TENM2: variants seen among roughly 807,000 people sequenced by gnomAD.
TENM2 encodes teneurin-2.
A neutral mutation model predicts 245.2 loss-of-function variants in TENM2; 52 were observed. That is an observed-to-expected ratio of 0.21 (90% CI 0.17 to 0.27). TENM2 has a LOEUF of 0.27. Ranked by LOEUF, TENM2 falls within the 10% of genes least tolerant of loss-of-function variation. The pLI is 1.00. For synonymous variants in TENM2, 1,363 were observed against 1,438.9 expected (o/e 0.95, Z 1.19); for missense variants, 3,046 against 3,666.8 (o/e 0.83, Z 4.37).
intron 2 of TENM2, among the ~76,000 whole-genome samples, chr5:167,688,314 T>G (rs1431385998): frequency 6.6e-6 from 1 of 152,208 alleles, no homozygotes; most frequent in African/African-American, 2.4e-5. Context: ...CCCCCATGTT[T>G]TTATGTATTC....
intron 2 of TENM2, among the ~76,000 whole-genome samples, chr5:167,451,648 G>A (rs1244096127): frequency 7.1e-6 from 1 of 141,672 alleles, no homozygotes; most frequent in African/African-American, 2.5e-5. Flanking sequence ...TATAGCAACT[G>A]ATTTTTTTTT....
chr5:168,132,523 A>C (rs1754685305), intron 12 of TENM2, among the ~76,000 whole-genome samples: 1 of 152,142 alleles, frequency 6.6e-6, no homozygotes, highest in Admixed American at 6.5e-5. Flanking sequence ...CTGTTCCCTT[A>C]CTGTTTCAGG....
the TENM2 span, among the ~76,000 whole-genome samples, chr5:167,182,745 G>A: frequency 3.7e-4 from 57 of 152,130 alleles, no homozygotes; most frequent in South Asian, 2.5e-3. Context: ...CATTTCAGAC[G>A]TGGTGATACC....
intron 2 of TENM2, among the ~76,000 whole-genome samples, chr5:167,497,143 T>A (rs772922306): frequency 6.6e-6 from 1 of 151,970 alleles, no homozygotes; most frequent in Non-Finnish European, 1.5e-5. Context: ...AAACCAAGTG[T>A]GCTAAAACTT....
chr5:167,245,666 G>A, the TENM2 span, among the ~76,000 whole-genome samples: 1 of 152,136 alleles, frequency 6.6e-6, no homozygotes, highest in East Asian at 1.9e-4. Context: ...ATCAAACAAT[G>A]GAAATGCTGA....
intron 2 of TENM2, among the ~76,000 whole-genome samples, chr5:167,702,555 T>TATATATATATATATATACATAC (rs1554102864): frequency 2.7e-5 from 4 of 145,874 alleles, no homozygotes; most frequent in African/African-American, 1.0e-4. Flanking sequence ...TGTGTGTGTA[T>TATATATATATATATATACATAC]ATATATATAT....
intron 2 of TENM2, among the ~76,000 whole-genome samples, chr5:167,840,527 C>T (rs967477942): frequency 2.0e-5 from 3 of 152,116 alleles, no homozygotes; most frequent in African/African-American, 4.8e-5. Flanking sequence ...CACCTAACCG[C>T]GTCTCCCCTC....
At chr5:167,411,617 T>TGA (rs1208259646) in intron 2 of TENM2, among the ~76,000 whole-genome samples, 6 of 150,346 alleles carry the variant, frequency 4.0e-5, no homozygotes, top group Non-Finnish European at 8.9e-5. Flanking sequence ...TGTATGTATG[T>TGA]GAGAGAGAGA....
intron 7 of TENM2, chr5:168,087,536 G>A (rs1792563960): frequency 6.6e-6 from 1 of 151,908 alleles, no homozygotes; most frequent in Non-Finnish European, 1.5e-5. Flanking sequence ...TTGAACCCGA[G>A]AGGTGGAGGT....
chr5:167,159,440 T>C, the TENM2 span, among the ~76,000 whole-genome samples: 1 of 152,150 alleles, frequency 6.6e-6, no homozygotes, highest in South Asian at 2.1e-4. Flanking sequence ...GACAAACATA[T>C]TGTATTCCTG....
rs150879980 is a variant in TENM2 at position 167,289,992 on chromosome 5, T to C, written c.226+4929T>C. On this transcript the variant is annotated intron_variant, in intron 1 of 28. Coordinates refer to ENST00000518659, the Ensembl canonical transcript of TENM2. ...GGTCAGTATCTTGAAGGCTGAAATG[T>C]ACCTTGAGAAGATTGCTTTCCATTT... 4.0e-3 allele frequency among the ~76,000 whole-genome samples: 611 copies of C among 152,366 alleles called. 6 individuals are homozygous for C. The highest frequency in any genetic ancestry group is 0.014 in the African/African-American group (578 of 41,592).
In TENM2 at chr5:167,624,024, G is replaced by T. The variant is rs948222246; in HGVS notation, c.502+248551G>T. Among the ~76,000 whole-genome samples the T allele has an allele frequency of 7.9e-5, 12 of 152,178 alleles. No homozygotes were observed. In the East Asian group the frequency reaches 2.3e-3, roughly 29 times the overall value. ...GAAAGCAATTTGGGGATTTCTCAAA[G>T]AACTAAAAATAGAACTACTATTTGA... On this transcript the variant is annotated intron_variant, in intron 2 of 28. Transcript: ENST00000518659.
At chr5:167,769,979 CA>C (rs531326460) in intron 2 of TENM2, among the ~76,000 whole-genome samples, 69 of 152,288 alleles carry the variant, frequency 4.5e-4, no homozygotes, top group African/African-American at 1.6e-3. Flanking sequence ...AGAATGTTCA[CA>C]TGGGAAATTC....
rs1554157744 is a variant in TENM2 at position 167,452,948 on chromosome 5, T to TATTTG, written c.502+77477_502+77478insTTGAT. ...AGTATGATTTATATATATATATATA[T>TATTTG]ATATATATATATATTTAAAAAAAAA... On this transcript the variant is annotated intron_variant, in intron 2 of 28. Coordinates refer to ENST00000518659, the Ensembl canonical transcript of TENM2. Among the ~76,000 whole-genome samples, 48 of 47,510 alleles carry TATTTG rather than the reference T, an allele frequency of 1.0e-3. 4 individuals are homozygous for TATTTG. The highest frequency in any genetic ancestry group is 3.0e-3 in the African/African-American group (45 of 14,894). The allele number at this position is 47,510 out of a possible 152,430, so 31.2% of individuals were successfully genotyped here. A position where few individuals can be genotyped will look rare whatever the true frequency, so the allele number is the denominator to read the frequency against.
At chr5:167,259,843 T>G in the TENM2 span, among the ~76,000 whole-genome samples, 1 of 152,190 alleles carries the variant, frequency 6.6e-6, no homozygotes, top group African/African-American at 2.4e-5. Context: ...GATAGCAATA[T>G]TCTCCTACTT....
intron 12 of TENM2, among the ~76,000 whole-genome samples, chr5:168,151,828 A>C (rs1347134): frequency 0.33 from 49,755 of 152,138 alleles, 8,609 homozygotes; most frequent in African/African-American, 0.4. Context: ...GGGGGCCTTC[A>C]TCTCTGTCCC....
chr5:167,791,711 A>T (rs1764987664), intron 2 of TENM2, among the ~76,000 whole-genome samples: 1 of 151,930 alleles, frequency 6.6e-6, no homozygotes, highest in South Asian at 2.1e-4. Context: ...TAATGAATCA[A>T]ACCTGTCTTG....
At chr5:168,181,936 C>T (rs999844242) in intron 13 of TENM2, among the ~76,000 whole-genome samples, 3 of 151,618 alleles carry the variant, frequency 2.0e-5, no homozygotes, top group African/African-American at 7.3e-5. Flanking sequence ...CTCAGCCGCC[C>T]GAACTGCTGG....
chr5:168,033,121 T>C (rs1787282615), intron 5 of TENM2: 1 of 152,216 alleles, frequency 6.6e-6, no homozygotes, highest in African/African-American at 2.4e-5. Context: ...TAACAACTCA[T>C]GGGTTGCAAA....
Sources: allele counts gnomAD v4.1 joint callset (sites outside exome capture counted in the v4.1 genomes callset), GRCh38; gene constraint gnomAD v4.1.1; transcripts MANE v1.5; gene names NCBI Gene and HGNC (gene_info 2026-07-23, HGNC 2026-07-21).